The following MEGF10 variants were observed in gnomAD, a reference collection of about 807,000 sequenced individuals.
MEGF10 encodes the protein multiple EGF like domains 10.
MEGF10 carries 86 observed loss-of-function variants against 147.5 expected under a neutral mutation model. The observed-to-expected ratio is 0.58, with a 90% CI of 0.49 to 0.70. The LOEUF (loss-of-function observed/expected upper bound fraction) is 0.70. Among genes scored for constraint, MEGF10 ranks in the 30% least tolerant of loss-of-function variants. The pLI, the probability that MEGF10 is intolerant of heterozygous loss-of-function variation, is 0.00. For missense variants in MEGF10, 1,329 were observed against 1,487.3 expected (o/e 0.89, Z 1.75); for synonymous variants, 478 against 525.5 (o/e 0.91, Z 1.24).
chr5:127,292,357 G>A (rs1261318815), intron 1 of MEGF10, among the ~76,000 whole-genome samples: 1 of 152,228 alleles, frequency 6.6e-6, no homozygotes, highest in Non-Finnish European at 1.5e-5. Context: ...AAGGGATTAA[G>A]TAAGTTAATG....
intron 22 of MEGF10, among the ~76,000 whole-genome samples, chr5:127,453,010 G>A (rs1405418772): frequency 6.6e-6 from 1 of 152,138 alleles, no homozygotes; most frequent in African/African-American, 2.4e-5. Context: ...CTTTAGGAGA[G>A]GCTGCTTCCT....
At chr5:127,248,322 G>A in the MEGF10 span, among the ~76,000 whole-genome samples, 1 of 152,006 alleles carries the variant, frequency 6.6e-6, no homozygotes, top group South Asian at 2.1e-4. Flanking sequence ...AACATTTTAT[G>A]TGCAATAGAA....
chr5:127,231,802 C>T, the MEGF10 span, among the ~76,000 whole-genome samples: 4 of 152,084 alleles, frequency 2.6e-5, no homozygotes, highest in Admixed American at 6.5e-5. Context: ...ACTTGGGAGA[C>T]GGAAAACAGA....
chr5:127,429,331 A>G (rs1765318942), intron 13 of MEGF10, among the ~76,000 whole-genome samples: 1 of 152,076 alleles, frequency 6.6e-6, no homozygotes, highest in South Asian at 2.1e-4. Flanking sequence ...AGACATCTCC[A>G]CCTCCTTAGC....
intron 5 of MEGF10, among the ~76,000 whole-genome samples, chr5:127,384,021 A>G (rs187120020): frequency 1.3e-5 from 2 of 152,322 alleles, no homozygotes; most frequent in Non-Finnish European, 1.5e-5. Context: ...GGTCCTGAAT[A>G]TTCATCCTTT....
At chr5:127,318,346 T>C (rs1210747701) in intron 1 of MEGF10, among the ~76,000 whole-genome samples, 1 of 152,110 alleles carries the variant, frequency 6.6e-6, no homozygotes, top group African/African-American at 2.4e-5. Context: ...CAGTAAAAAG[T>C]CAAACTGAGG....
intron 1 of MEGF10, among the ~76,000 whole-genome samples, chr5:127,300,519 C>T (rs2546809): frequency 0.53 from 81,040 of 152,020 alleles, 22,357 homozygotes; most frequent in Middle Eastern, 0.63. Context: ...GCTGACATTA[C>T]ATTTAATCTA....
the MEGF10 span, among the ~76,000 whole-genome samples, chr5:127,271,327 T>A: frequency 0.011 from 1,702 of 152,314 alleles, 24 homozygotes; most frequent in African/African-American, 0.031. Flanking sequence ...TGAGCTTTTT[T>A]AAATATGTTT....
intron 6 of MEGF10, 36 bp downstream of exon 6, chr5:127,396,814 C>T: frequency 6.3e-7 from 1 of 1,590,180 alleles, no homozygotes; most frequent in Non-Finnish European, 8.6e-7. Flanking sequence ...GAGCAGAGCC[C>T]ACCCACCCTC....
intron 5 of MEGF10, among the ~76,000 whole-genome samples, chr5:127,396,247 C>T (rs543874274): frequency 3.3e-5 from 5 of 152,346 alleles, no homozygotes; most frequent in African/African-American, 1.2e-4. Flanking sequence ...ACATCAAACT[C>T]CACACTCTGG....
chr5:127,422,656 T>G lies in MEGF10; in HGVS notation c.1591-14T>G, dbSNP rs764161022. The G allele has an allele frequency of 5.6e-5, 90 of 1,611,120 alleles. 2 individuals are homozygous for G. The South Asian group carries it at 9.6e-4, about 17-fold the overall frequency. On this transcript the variant is annotated splice_polypyrimidine_tract_variant and intron_variant, in intron 12 of 24. Transcript: ENST00000503335. ...AGGCCCTCATTGCTGCCTTTGATGC[T>G]GTTTTCCATGCAGGATGGCACGTAC...
intron 6 of MEGF10, among the ~76,000 whole-genome samples, chr5:127,397,357 T>G (rs931096339): frequency 9.9e-5 from 15 of 152,254 alleles, no homozygotes; most frequent in African/African-American, 3.4e-4. Context: ...GTAGATTTTG[T>G]GCACACACAT....
At chr5:127,405,657 G>A (rs1413881686) in intron 8 of MEGF10, among the ~76,000 whole-genome samples, 1 of 152,052 alleles carries the variant, frequency 6.6e-6, no homozygotes, top group Non-Finnish European at 1.5e-5. Context: ...TTGACAAACA[G>A]CAGTAAAAGT....
In MEGF10 at chr5:127,294,833, AAT is replaced by A. The variant is rs1267706547; in HGVS notation, c.-19+3779_-19+3780del. On this transcript the variant is annotated intron_variant, in intron 1 of 24. Coordinates refer to ENST00000503335, the MANE Select transcript of MEGF10 (RefSeq NM_001256545.2). ...TAATAATAATAATAATAATAATAAT[AAT>A]AAATAACTTGGAGTAGAAAAAGGAC... 1.4e-3 allele frequency among the ~76,000 whole-genome samples: 202 copies of A among 146,636 alleles called. 1 individual carries two copies. Among genetic ancestry groups the A allele is most frequent in the African/African-American group, 3.8e-3 (153 of 40,140 alleles).
intron 5 of MEGF10, among the ~76,000 whole-genome samples, chr5:127,385,953 A>T (rs1763413171): frequency 6.6e-6 from 1 of 152,170 alleles, no homozygotes; most frequent in Admixed American, 6.5e-5. Context: ...AAATATTTTT[A>T]AAAAATCATC....
At chr5:127,254,697 G>C in the MEGF10 span, among the ~76,000 whole-genome samples, 1 of 151,670 alleles carries the variant, frequency 6.6e-6, no homozygotes, top group African/African-American at 2.4e-5. Flanking sequence ...TGTAATCCAA[G>C]CTACTTGGGA....
At chr5:127,415,916 AAG>A (rs1282427740) in intron 9 of MEGF10, among the ~76,000 whole-genome samples, 2 of 150,366 alleles carry the variant, frequency 1.3e-5, no homozygotes, top group African/African-American at 2.5e-5. Context: ...AAAAAAAAAA[AAG>A]AATAACTTCT....
chr5:127,420,396 G>A (rs906418059), intron 12 of MEGF10, among the ~76,000 whole-genome samples, 189 bp downstream of exon 12: 1 of 152,106 alleles, frequency 6.6e-6, no homozygotes, highest in African/African-American at 2.4e-5. Flanking sequence ...CATGGAAACT[G>A]GTTAGATAGG....
intron 5 of MEGF10, among the ~76,000 whole-genome samples, chr5:127,380,433 C>T (rs1021486163): frequency 1.3e-5 from 2 of 152,158 alleles, no homozygotes; most frequent in African/African-American, 4.8e-5. Flanking sequence ...GTCCTTCCTT[C>T]AGTGGCCTAA....
Sources: allele counts gnomAD v4.1 joint callset (sites outside exome capture counted in the v4.1 genomes callset), GRCh38; gene constraint gnomAD v4.1.1; transcripts MANE v1.5; gene names NCBI Gene and HGNC (gene_info 2026-07-23, HGNC 2026-07-21).